The following ALPK1 variants were observed in gnomAD, a reference collection of about 807,000 sequenced individuals.
ALPK1 encodes alpha kinase 1, also known as alpha-protein kinase 1.
ALPK1 carries 110 observed loss-of-function variants against 120.6 expected under a neutral mutation model. That is an observed-to-expected ratio of 0.91 (90% CI 0.78 to 1.07). ALPK1 has a LOEUF of 1.07. Ranked by LOEUF, ALPK1 falls within the 50% of genes least tolerant of loss-of-function variation. The pLI, the probability that ALPK1 is intolerant of heterozygous loss-of-function variation, is 0.00. For missense variants in ALPK1, 1,498 were observed against 1,483.9 expected (o/e 1.01, Z -0.16); for synonymous variants, 582 against 560.3 (o/e 1.04, Z -0.55).
intron 4 of ALPK1, among the ~76,000 whole-genome samples, chr4:112,405,232 A>C (rs1237340875): frequency 6.6e-6 from 1 of 152,154 alleles, no homozygotes; most frequent in Non-Finnish European, 1.5e-5. Flanking sequence ...CCATTTCATA[A>C]AGGATGCCAC....
chr4:112,439,914 G>GAACTCTCTTTTATGGAGGAAGACAAAA, intron 14 of ALPK1, 42 bp downstream of exon 14: 1 of 1,481,376 alleles, frequency 6.8e-7, no homozygotes. Context: ...AATATTATAT[G>GAACTCTCTTTTATGGAGGAAGACAAAA]TAAATGTGAA....
chr4:112,424,198 T>TA (rs34591132), intron 6 of ALPK1, among the ~76,000 whole-genome samples, 195 bp downstream of exon 6: 137 of 148,408 alleles, frequency 9.2e-4, no homozygotes, highest in African/African-American at 1.3e-3. Context: ...TTCTCTAAGT[T>TA]AAAAAAAAAA....
chr4:112,424,381 G>A (rs1278725458), intron 6 of ALPK1, among the ~76,000 whole-genome samples: 1 of 152,176 alleles, frequency 6.6e-6, no homozygotes, highest in South Asian at 2.1e-4. Context: ...AGTCTGCTTC[G>A]GCTTTATCAA....
intron 5 of ALPK1, among the ~76,000 whole-genome samples, chr4:112,423,029 C>A (rs1285241177): frequency 6.6e-6 from 1 of 152,188 alleles, no homozygotes; most frequent in Non-Finnish European, 1.5e-5. Context: ...GGAAAAATGG[C>A]CAGGTCATCA....
intron 2 of ALPK1, among the ~76,000 whole-genome samples, chr4:112,354,455 G>GTTTTGA (rs1730506724): frequency 6.6e-6 from 1 of 151,766 alleles, no homozygotes; most frequent in Non-Finnish European, 1.5e-5. Context: ...ACTGTTTTTT[G>GTTTTGA]TTTTGTTTTT....
chr4:112,300,611 CACTT>C (rs934049862), intron 1 of ALPK1, among the ~76,000 whole-genome samples: 3 of 151,642 alleles, frequency 2.0e-5, no homozygotes, highest in African/African-American at 7.3e-5. Context: ...CCAGTTGAAA[CACTT>C]ACTATTGGTT....
At chr4:112,402,165 C>G (rs1385075525) in intron 4 of ALPK1, among the ~76,000 whole-genome samples, 1 of 152,184 alleles carries the variant, frequency 6.6e-6, no homozygotes, top group Non-Finnish European at 1.5e-5. Context: ...TCCATATTTC[C>G]CTGCCTTTTA....
intron 4 of ALPK1, chr4:112,384,964 C>T (rs1732088001): frequency 6.6e-6 from 1 of 152,208 alleles, no homozygotes; most frequent in Non-Finnish European, 1.5e-5. Flanking sequence ...CATAAAAGAA[C>T]TTTACAAACC....
chr4:112,397,267 C>T (rs1199337491), intron 4 of ALPK1, among the ~76,000 whole-genome samples: 2 of 152,180 alleles, frequency 1.3e-5, no homozygotes, highest in African/African-American at 2.4e-5. Flanking sequence ...TTCTTTTCCA[C>T]GTATGTGTGT....
intron 4 of ALPK1, among the ~76,000 whole-genome samples, chr4:112,387,605 T>A (rs920027223): frequency 1.3e-5 from 2 of 152,186 alleles, no homozygotes; most frequent in African/African-American, 4.8e-5. Flanking sequence ...GAAAAATGGG[T>A]AATCTGATAG....
chr4:112,415,598 T>C (rs1025180331), intron 5 of ALPK1, among the ~76,000 whole-genome samples: 12 of 150,870 alleles, frequency 8.0e-5, no homozygotes, highest in African/African-American at 2.9e-4. Context: ...GATCATGCCA[T>C]TGCACTCCAG....
chr4:112,305,803 G>C (rs1394123441), intron 1 of ALPK1, among the ~76,000 whole-genome samples: 2 of 152,082 alleles, frequency 1.3e-5, no homozygotes, highest in Non-Finnish European at 1.5e-5. Flanking sequence ...GGAGTGGTGA[G>C]AGAAGGCATC....
chr4:112,328,629 A>G lies in ALPK1; in HGVS notation c.-101+12777A>G, dbSNP rs1729220690. On this transcript the variant is annotated intron_variant, in intron 2 of 15. Transcript: ENST00000650871. Reference sequence around the variant, plus strand: ...CCACACTGGGCATTCAGGACTCCTAAGAAAGCTCTTTAATACTTTTGTGTA... The same window carrying G: ...CCACACTGGGCATTCAGGACTCCTAGGAAAGCTCTTTAATACTTTTGTGTA... Among the ~76,000 whole-genome samples, 5 of 152,342 alleles carry G rather than the reference A, an allele frequency of 3.3e-5. No individual in the cohort carries two copies. In the South Asian group the frequency reaches 1.0e-3, roughly 32 times the overall value.
rs919290047 is a variant in ALPK1, at chr4:112,310,253, T to G, written c.-152-5548T>G. Among the ~76,000 whole-genome samples the G allele has an allele frequency of 4.6e-5, 7 of 152,114 alleles. 1 individual carries two copies. The highest frequency in any genetic ancestry group is 1.3e-4 in the Admixed American group (2 of 15,266). On this transcript the variant is annotated intron_variant, in intron 1 of 15. Transcript: ENST00000650871. ...TTCATAAATTCATCAACATAACACT[T>G]GGAGAACTGCATCTATTTTCTTATA...
At chr4:112,358,736 C>T in intron 2 of ALPK1, 1 of 792,894 alleles carries the variant, frequency 1.3e-6, no homozygotes, top group Non-Finnish European at 2.3e-6. Flanking sequence ...TGGTCAGCCA[C>T]TCGGAGGAGC....
chr4:112,408,840 G>A (rs1216543771), intron 4 of ALPK1, among the ~76,000 whole-genome samples: 2 of 152,240 alleles, frequency 1.3e-5, no homozygotes, highest in South Asian at 2.1e-4. Context: ...GAACTCAGTC[G>A]AAGTTTTGAG....
rs1338961680 is a variant in ALPK1, at chr4:112,431,897, T to C, written c.2350T>C (p.Trp784Arg). 6.2e-7 allele frequency: 1 copy of C among 1,614,046 alleles called. No homozygotes were observed. The highest frequency in any genetic ancestry group is 1.1e-5 in the South Asian group (1 of 91,082). Residue 784 changes from tryptophan (W) to arginine (R), a missense_variant, in exon 11 of 16, where the codon TGG becomes CGG. By Grantham distance (101) the Trp-to-Arg change is moderately radical. Transcript: ENST00000650871. ...AGPTFKASPS[W>R]VDPEGETAES... Reference sequence around the variant, plus strand: ...CCCTACATTTAAAGCTAGTCCCTCCTGGGTTGACCCAGAAGGAGAAACAGC... The same window carrying C: ...CCCTACATTTAAAGCTAGTCCCTCCCGGGTTGACCCAGAAGGAGAAACAGC...
chr4:112,407,876 G>A (rs1733260545), intron 4 of ALPK1, among the ~76,000 whole-genome samples: 1 of 152,184 alleles, frequency 6.6e-6, no homozygotes, highest in African/African-American at 2.4e-5. Context: ...GGGAGGCTCA[G>A]GTGGGCAGAT....
chr4:112,387,018 A>T (rs1732182999), intron 4 of ALPK1, among the ~76,000 whole-genome samples: 1 of 152,222 alleles, frequency 6.6e-6, no homozygotes. Context: ...GCCCTTATAA[A>T]TATCATTCAG....
Sources: gnomAD v4.1 joint callset for allele counts (sites outside exome capture counted in the v4.1 genomes callset) on GRCh38, gnomAD v4.1.1 for gene constraint, MANE v1.5 for transcripts, NCBI Gene and HGNC (gene_info 2026-07-23, HGNC 2026-07-21) for gene names.